Variants in CDH4 observed in about 807,000 individuals in gnomAD.
The protein encoded by CDH4 is cadherin 4, also known as cadherin-4.
A neutral mutation model predicts 86.0 loss-of-function variants in CDH4; 33 were observed. The ratio of observed to expected loss-of-function variants is 0.38; its 90% CI spans 0.29 to 0.51. CDH4 has a LOEUF of 0.51. CDH4 is among the 20% of genes least tolerant of loss of function. The pLI, the probability that CDH4 is intolerant of heterozygous loss-of-function variation, is 0.86. For missense variants in CDH4, 1,114 were observed against 1,307.4 expected, an observed-to-expected ratio of 0.85 and a Z score of 2.28; for synonymous variants, 555 against 549.4, an observed-to-expected ratio of 1.01 and a Z score of -0.14.
rs80244163 is a variant in CDH4 at position 61,885,159 on chromosome 20, G to A, written c.1051-9751G>A. ...TAGCACGTTCGTGCCTGTGCCTTGA[G>A]AGGGAGCTCACACGCCACCAAACAC... is the stretch of plus-strand genomic sequence containing the variant. On this transcript the variant is annotated intron_variant, in intron 7 of 15. Coordinates refer to ENST00000614565, the MANE Select transcript of CDH4 (RefSeq NM_001794.5). Among the ~76,000 whole-genome samples, 1,449 of 152,282 alleles carry A rather than the reference G, an allele frequency of 9.5e-3. 11 individuals carry two copies. The highest frequency in any genetic ancestry group is 0.015 in the Non-Finnish European group (1,025 of 68,020).
At chr20:61,375,556 G>GT (rs2084862713) in intron 2 of CDH4, among the ~76,000 whole-genome samples, 1 of 150,552 alleles carries the variant, frequency 6.6e-6, no homozygotes, top group East Asian at 1.9e-4. Flanking sequence ...CTTGGTGGTG[G>GT]TGATGATGGT....
At chr20:61,817,342 G>A (rs1051461795) in intron 4 of CDH4, among the ~76,000 whole-genome samples, 7 of 152,090 alleles carry the variant, frequency 4.6e-5, no homozygotes, top group Non-Finnish European at 5.9e-5. Flanking sequence ...CTACGCTGCC[G>A]CCTCTGCCTG....
At chr20:61,484,059 C>T (rs375954745) in intron 2 of CDH4, among the ~76,000 whole-genome samples, 1 of 152,042 alleles carries the variant, frequency 6.6e-6, no homozygotes, top group Non-Finnish European at 1.5e-5. Flanking sequence ...CCGCTGGGGA[C>T]GCATCTTCCT....
intron 2 of CDH4, among the ~76,000 whole-genome samples, chr20:61,513,450 C>T (rs575566341): frequency 2.6e-5 from 4 of 152,168 alleles, no homozygotes; most frequent in Non-Finnish European, 5.9e-5. Context: ...TCACAGCAAC[C>T]CCACAGGCCA....
intron 2 of CDH4, among the ~76,000 whole-genome samples, chr20:61,493,642 CAG>C (rs2085640127): frequency 6.6e-6 from 1 of 152,208 alleles, no homozygotes; most frequent in Admixed American, 6.5e-5. Context: ...CCGCTGCACA[CAG>C]GGTAGATTCC....
At chr20:61,353,683 C>CT (rs1568810394) in intron 2 of CDH4, among the ~76,000 whole-genome samples, 61 of 9,654 alleles carry the variant, frequency 6.3e-3, no homozygotes, top group African/African-American at 0.017. Context: ...CCTCCTCCTC[C>CT]CCCTCCTCCT....
chr20:61,515,830 T>G (rs1023955051), intron 2 of CDH4, among the ~76,000 whole-genome samples: 1 of 152,188 alleles, frequency 6.6e-6, no homozygotes, highest in African/African-American at 2.4e-5. Flanking sequence ...TAGCTCGCTC[T>G]CTCTCACTCT....
chr20:61,884,030 ATCGCTGCCTGGAACTGGGAC>A (rs781234017), intron 7 of CDH4, among the ~76,000 whole-genome samples: 1,622 of 152,254 alleles, frequency 0.011, 13 homozygotes, highest in Middle Eastern at 0.014. Flanking sequence ...CGAGGGAGGA[ATCGCTGCCTGGAACTGGGAC>A]TCGCTGCCTG....
chr20:61,931,855 T>TA (rs992841573), intron 13 of CDH4, among the ~76,000 whole-genome samples: 5 of 152,126 alleles, frequency 3.3e-5, no homozygotes, highest in Non-Finnish European at 7.4e-5. Flanking sequence ...AAGGGGACTT[T>TA]ACCTCTCTTC....
At chr20:61,688,039 C>T (rs2087607772) in intron 2 of CDH4, among the ~76,000 whole-genome samples, 1 of 151,996 alleles carries the variant, frequency 6.6e-6, no homozygotes, top group South Asian at 2.1e-4. Context: ...GATGAGCAAC[C>T]CTAGGCTGGA....
intron 2 of CDH4, among the ~76,000 whole-genome samples, chr20:61,724,854 C>T (rs2088091360): frequency 6.6e-6 from 1 of 152,172 alleles, no homozygotes; most frequent in Non-Finnish European, 1.5e-5. Flanking sequence ...CTCATGCATG[C>T]AATCCCAACA....
At chr20:61,358,073 A>G (rs1384695770) in intron 2 of CDH4, among the ~76,000 whole-genome samples, 1 of 152,166 alleles carries the variant, frequency 6.6e-6, no homozygotes, top group African/African-American at 2.4e-5. Context: ...CGCTCTGGGA[A>G]GACATGTTAG....
rs1048833296 is a variant in CDH4, at chr20:61,667,721, C to T, written c.170-75842C>T. 5.9e-5 allele frequency among the ~76,000 whole-genome samples: 9 copies of T among 152,296 alleles called. No individual in the cohort carries two copies. In the East Asian group the frequency reaches 1.2e-3, roughly 20 times the overall value. On this transcript the variant is annotated intron_variant, in intron 2 of 15. Coordinates refer to ENST00000614565, the MANE Select transcript of CDH4 (RefSeq NM_001794.5). Reference sequence around the variant, plus strand: ...GCAATGGAAGGGGTCGGGCTGGACTCGGGTCTTTATGTGCCCTATATCCTG... The same window carrying T: ...GCAATGGAAGGGGTCGGGCTGGACTTGGGTCTTTATGTGCCCTATATCCTG...
chr20:61,370,019 C>T (rs1421989325), intron 2 of CDH4: 1 of 152,370 alleles, frequency 6.6e-6, no homozygotes, highest in East Asian at 1.9e-4. Context: ...TCTGGTGTTC[C>T]AGGACCTGGT....
chr20:61,577,443 A>ATGTTGAAGGATGAGTGGATGTTTCGCT (rs2086390761), intron 2 of CDH4, among the ~76,000 whole-genome samples: 1 of 152,184 alleles, frequency 6.6e-6, no homozygotes, highest in East Asian at 1.9e-4. Flanking sequence ...GATGTTTCGC[A>ATGTTGAAGGATGAGTGGATGTTTCGCT]TGTTGAAAGA....
At position 61,852,738 on chromosome 20, in the gene CDH4, T is replaced by G. The variant is rs377583755; in HGVS notation, c.733-16T>G. 3 of 1,606,374 alleles carry G rather than the reference T, an allele frequency of 1.9e-6. No homozygotes were observed. The highest frequency in any genetic ancestry group is 1.7e-5 in the Admixed American group (1 of 59,558). On this transcript the variant is annotated splice_polypyrimidine_tract_variant and intron_variant, in intron 5 of 15. Transcript: ENST00000614565. Reference sequence around the variant, plus strand: ...TGCCCACCCGCCACTGGGCCCTGTCTCTGCTGCTTTTCCAGCTCCGAGCCC... The same window carrying G: ...TGCCCACCCGCCACTGGGCCCTGTCGCTGCTGCTTTTCCAGCTCCGAGCCC...
intron 2 of CDH4, among the ~76,000 whole-genome samples, chr20:61,448,452 C>T (rs2085363889): frequency 6.6e-6 from 1 of 152,222 alleles, no homozygotes; most frequent in Non-Finnish European, 1.5e-5. Context: ...GTTAATCATA[C>T]ATCACGGCAC....
rs542143175 is a variant in CDH4 at position 61,524,829 on chromosome 20, C to G, written c.170-218734C>G. ...TTTAAATGCATTTTTAAATTCCATT[C>G]TCATTCATTAGATAATACCATTGTA... On this transcript the variant is annotated intron_variant, in intron 2 of 15. Transcript: ENST00000614565. 3.0e-4 allele frequency among the ~76,000 whole-genome samples: 46 copies of G among 152,332 alleles called. 1 individual carries two copies. The highest frequency in any genetic ancestry group is 1.1e-3 in the African/African-American group (44 of 41,578).
At chr20:61,325,853 A>G (rs1379296057) in intron 2 of CDH4, among the ~76,000 whole-genome samples, 2 of 152,162 alleles carry the variant, frequency 1.3e-5, no homozygotes, top group African/African-American at 2.4e-5. Context: ...ACCCAACACC[A>G]TGTGTGCTTC....
Sources: gnomAD v4.1 joint callset for allele counts (sites outside exome capture counted in the v4.1 genomes callset) on GRCh38, gnomAD v4.1.1 for gene constraint, MANE v1.5 for transcripts, NCBI Gene and HGNC (gene_info 2026-07-23, HGNC 2026-07-21) for gene names.